SLC24A1: variants seen among roughly 807,000 people sequenced by gnomAD.
SLC24A1 encodes solute carrier family 24 member 1.
SLC24A1 carries 52 observed loss-of-function variants against 88.1 expected under a neutral mutation model. The ratio of observed to expected loss-of-function variants is 0.59; its 90% CI spans 0.47 to 0.74. The LOEUF (loss-of-function observed/expected upper bound fraction) is 0.74, where lower values mean the gene tolerates loss of function less well. Ranked by LOEUF, SLC24A1 falls within the 30% of genes least tolerant of loss-of-function variation. SLC24A1 has a pLI of 0.00. For missense variants in SLC24A1, 1,173 were observed against 1,363.3 expected, an observed-to-expected ratio of 0.86 and a Z score of 2.20; for synonymous variants, 455 against 498.0, an observed-to-expected ratio of 0.91 and a Z score of 1.15.
chr15:65,625,340 C>G lies in SLC24A1; in HGVS notation c.1260C>G (p.Leu420=). 6.2e-7 allele frequency: 1 copy of G among 1,614,034 alleles called. No individual in the cohort carries two copies. Among genetic ancestry groups the G allele is most frequent in the Non-Finnish European group, 8.5e-7 (1 of 1,179,888 alleles). ...CAACAGCCCTGCTCCCAGAGGAGCT[C>G]AGTCCTAGTCCCTCAGTGCTGCCTC... is the stretch of plus-strand genomic sequence containing the variant. ...SLTTALLPEE[L]SPSPSVLPPS... Residue 420 remains leucine (L), a synonymous_variant, in exon 2 of 10, where the codon CTC becomes CTG. Transcript: ENST00000261892.
chr15:65,652,572 A>T (rs2075543000), intron 8 of SLC24A1, 70 bp from the exon 9 acceptor site: 4 of 1,450,586 alleles, frequency 2.8e-6, no homozygotes, highest in South Asian at 2.4e-5. Flanking sequence ...GTTTGCACAA[A>T]GTAGGATGTG....
At chr15:65,627,691 G>C (rs780688055) in intron 2 of SLC24A1, among the ~76,000 whole-genome samples, 29 of 152,342 alleles carry the variant, frequency 1.9e-4, no homozygotes, top group Admixed American at 8.5e-4. Context: ...TGAAGAAAAT[G>C]CCTAATGCTT....
chr15:65,625,361 G>A lies in SLC24A1; in HGVS notation c.1281G>A (p.Leu427=). ...PEELSPSPSV[L]PPSLPDLHPK... ...AGCTCAGTCCTAGTCCCTCAGTGCT[G>A]CCTCCCAGCTTGCCAGACCTCCACC... Residue 427 remains leucine, a synonymous_variant, in exon 2 of 10, where the codon CTG becomes CTA. Transcript: ENST00000261892. 1.2e-6 allele frequency: 2 copies of A among 1,614,022 alleles called. No homozygotes were observed. Among genetic ancestry groups the A allele is most frequent in the Non-Finnish European group, 1.7e-6 (2 of 1,179,882 alleles).
chr15:65,617,253 A>G (rs1335536346), upstream of SLC24A1, among the ~76,000 whole-genome samples: 1 of 152,188 alleles, frequency 6.6e-6, no homozygotes, highest in Non-Finnish European at 1.5e-5. Flanking sequence ...AGTTTTTTCC[A>G]ATTCTGTGAA....
intron 2 of SLC24A1, among the ~76,000 whole-genome samples, chr15:65,635,446 C>CAAAAAAAAAA (rs56960432): frequency 6.8e-3 from 392 of 57,440 alleles, no homozygotes; most frequent in Non-Finnish European, 9.6e-3. Context: ...ACTCCGTCTC[C>CAAAAAAAAAA]AAAAAAAAAA....
intron 2 of SLC24A1, among the ~76,000 whole-genome samples, chr15:65,626,311 G>C (rs769116996): frequency 5.3e-5 from 8 of 152,178 alleles, no homozygotes; most frequent in Non-Finnish European, 1.2e-4. Context: ...GGGTTGGTGC[G>C]ACCAGGTGTT....
intron 2 of SLC24A1, among the ~76,000 whole-genome samples, chr15:65,630,583 C>T (rs1290081558): frequency 2.6e-5 from 4 of 152,130 alleles, no homozygotes; most frequent in Admixed American, 6.5e-5. Flanking sequence ...TTCCCTTCTT[C>T]GACTCTTTGA....
Position 65,624,594 on chromosome 15 carries a change from G to T in SLC24A1, c.514G>T (p.Gly172Ter). ...AAAAAAGTATACCCCAACACCCAGG[G>T]GAGAAATGAAGAGCTACAGCCCAAC... Reference protein sequence around the residue: ...IVKKYTPTPRGEMKSYSPTQV... With the variant: ...IVKKYTPTPR Residue 172 changes from glycine (G) to a stop codon, truncating the protein, a stop_gained, in exon 2 of 10, where the codon GGA (glycine) becomes TGA (stop). Transcript: ENST00000261892. LOFTEE classifies it high-confidence loss of function. The T allele has an allele frequency of 6.3e-7, 1 of 1,594,524 alleles. No individual in the cohort carries two copies. Among genetic ancestry groups the T allele is most frequent in the Non-Finnish European group, 8.5e-7 (1 of 1,170,552 alleles).
chr15:65,612,946 G>A (rs977371347), intron 2 of SLC24A1, among the ~76,000 whole-genome samples: 3 of 152,212 alleles, frequency 2.0e-5, no homozygotes, highest in Non-Finnish European at 2.9e-5. Context: ...GGAGGACTGT[G>A]TTACTTAGGG....
At chr15:65,634,988 G>T (rs1472051791) in intron 2 of SLC24A1, among the ~76,000 whole-genome samples, 2 of 152,062 alleles carry the variant, frequency 1.3e-5, no homozygotes, top group South Asian at 2.1e-4. Context: ...GATATGAAAG[G>T]CTTCAGAAAG....
chr15:65,644,405 G>T, intron 4 of SLC24A1, 22 bp from the exon 5 acceptor site: 2 of 1,519,004 alleles, frequency 1.3e-6, no homozygotes, highest in Non-Finnish European at 1.8e-6. Context: ...CAGGTAAGAT[G>T]TATGTCCTGT....
At chr15:65,651,173 CTA>C (rs988572196) in intron 7 of SLC24A1, among the ~76,000 whole-genome samples, 1 of 152,140 alleles carries the variant, frequency 6.6e-6, no homozygotes, top group Non-Finnish European at 1.5e-5. Flanking sequence ...ATTCCCACTG[CTA>C]TAAGCAGCAT....
chr15:65,633,167 G>T (rs1480378447), intron 2 of SLC24A1, among the ~76,000 whole-genome samples: 5 of 152,158 alleles, frequency 3.3e-5, no homozygotes, highest in Non-Finnish European at 2.9e-5. Flanking sequence ...GGCAATAAGA[G>T]ACTGTAGCCA....
intron 3 of SLC24A1, among the ~76,000 whole-genome samples, chr15:65,638,595 G>A (rs542294954): frequency 6.6e-6 from 1 of 152,284 alleles, no homozygotes; most frequent in South Asian, 2.1e-4. Context: ...AGATAGCAGG[G>A]GAACTGGAGA....
At chr15:65,651,804 C>T (rs200235329) in intron 8 of SLC24A1, 45 bp downstream of exon 8, 290 of 964,580 alleles carry the variant, frequency 3.0e-4, no homozygotes, top group African/African-American at 8.0e-5. Flanking sequence ...CAGGTCCCAA[C>T]GACACTTTCC....
At position 65,655,287 on chromosome 15, in the gene SLC24A1, T is replaced by G; in HGVS notation, c.*1208T>G. 1 of 985,690 alleles carries G rather than the reference T, an allele frequency of 1.0e-6. No homozygotes were observed. The highest frequency in any genetic ancestry group is 1.2e-6 in the Non-Finnish European group (1 of 830,104). 61.1% of individuals were successfully genotyped at this position (985,690 alleles called of 1,614,324 possible). A position where few individuals can be genotyped will look rare whatever the true frequency, so the allele number is the denominator to read the frequency against. ...AGATCCAGTGGGACAATGCTATTTT[T>G]GTATGCCAACCTAGATAGGATTATA... On this transcript the variant is annotated 3_prime_UTR_variant, in exon 10 of 10. Transcript: ENST00000261892.
chr15:65,656,793 G>C (rs73470088), downstream of SLC24A1, among the ~76,000 whole-genome samples: 1 of 152,118 alleles, frequency 6.6e-6, no homozygotes, highest in Admixed American at 6.5e-5. Flanking sequence ...TCATTTAATG[G>C]GTTAAGAGTC....
intron 5 of SLC24A1, among the ~76,000 whole-genome samples, chr15:65,645,356 T>A (rs563088066): frequency 6.6e-6 from 1 of 152,332 alleles, no homozygotes; most frequent in South Asian, 2.1e-4. Flanking sequence ...TTGGCCACAA[T>A]GGCCAGGATG....
intron 2 of SLC24A1, among the ~76,000 whole-genome samples, chr15:65,616,407 T>TAATG (rs1465005055): frequency 6.6e-6 from 1 of 152,226 alleles, no homozygotes; most frequent in African/African-American, 2.4e-5. Flanking sequence ...CCTGACTTTT[T>TAATG]AATGATCGCC....
Sources: gnomAD v4.1 joint callset for allele counts (sites outside exome capture counted in the v4.1 genomes callset) on GRCh38, gnomAD v4.1.1 for gene constraint, MANE v1.5 for transcripts, NCBI Gene and HGNC (gene_info 2026-07-23, HGNC 2026-07-21) for gene names.